OLFM3: variants seen among roughly 807,000 people sequenced by gnomAD.
The protein encoded by OLFM3 is olfactomedin 3, also known as noelin-3.
OLFM3 carries 20 observed loss-of-function variants against 48.6 expected under a neutral mutation model. The observed-to-expected ratio is 0.41, with a 90% CI of 0.29 to 0.60. OLFM3 has a LOEUF of 0.60. OLFM3 is among the 20% of genes least tolerant of loss of function. OLFM3 has a pLI of 0.28. For missense variants in OLFM3, 437 were observed against 544.3 expected, an observed-to-expected ratio of 0.80 and a Z score of 1.96; for synonymous variants, 222 against 198.1, an observed-to-expected ratio of 1.12 and a Z score of -1.01.
At chr1:101,841,537 C>T (rs1316210914) in intron 1 of OLFM3, among the ~76,000 whole-genome samples, 3 of 152,124 alleles carry the variant, frequency 2.0e-5, no homozygotes, top group African/African-American at 7.2e-5. Context: ...AGAAGAGATG[C>T]ACCCAGGCAG....
At chr1:101,966,643 C>T (rs901456331) in intron 1 of OLFM3, among the ~76,000 whole-genome samples, 7 of 151,984 alleles carry the variant, frequency 4.6e-5, no homozygotes, top group Non-Finnish European at 8.8e-5. Context: ...GGAAAATGTA[C>T]GAGATGACAG....
chr1:101,889,647 A>G (rs186875598), intron 1 of OLFM3, among the ~76,000 whole-genome samples: 9 of 152,236 alleles, frequency 5.9e-5, no homozygotes, highest in Non-Finnish European at 1.5e-5. Context: ...AACTTAAAGT[A>G]TAATAATAAA....
chr1:101,838,315 T>C (rs1030800178), intron 1 of OLFM3, among the ~76,000 whole-genome samples: 1 of 152,164 alleles, frequency 6.6e-6, no homozygotes, highest in Non-Finnish European at 1.5e-5. Flanking sequence ...CGCCTCGGCC[T>C]CCCAAAGTGC....
At chr1:101,881,881 C>T (rs1657540718) in intron 1 of OLFM3, among the ~76,000 whole-genome samples, 1 of 151,506 alleles carries the variant, frequency 6.6e-6, no homozygotes. Flanking sequence ...TACTAGACCT[C>T]AACCACAGTC....
chr1:101,920,602 T>A (rs1184319311), intron 1 of OLFM3, among the ~76,000 whole-genome samples: 1 of 152,220 alleles, frequency 6.6e-6, no homozygotes, highest in African/African-American at 2.4e-5. Context: ...TAGTACCTGA[T>A]TCCAAAGGAA....
intron 1 of OLFM3, among the ~76,000 whole-genome samples, chr1:101,970,114 C>T (rs1252143151): frequency 6.6e-6 from 1 of 151,876 alleles, no homozygotes; most frequent in Admixed American, 6.6e-5. Flanking sequence ...CTTCTGGGCT[C>T]AAGCAATTCT....
intron 1 of OLFM3, among the ~76,000 whole-genome samples, chr1:101,959,697 G>A (rs1020016725): frequency 6.6e-6 from 1 of 152,116 alleles, no homozygotes; most frequent in Non-Finnish European, 1.5e-5. Context: ...TCTCCAATGA[G>A]GCTAGATAGC....
intron 1 of OLFM3, among the ~76,000 whole-genome samples, chr1:101,838,252 T>C (rs930597371): frequency 6.6e-6 from 1 of 152,094 alleles, no homozygotes; most frequent in African/African-American, 2.4e-5. Context: ...AGAGATGGGG[T>C]TTCACTATGT....
At chr1:101,889,341 T>C (rs573905903) in intron 1 of OLFM3, among the ~76,000 whole-genome samples, 1 of 152,188 alleles carries the variant, frequency 6.6e-6, no homozygotes, top group African/African-American at 2.4e-5. Flanking sequence ...GATGAGTTCA[T>C]GTCCTTTGTA....
chr1:101,857,531 T>C (rs1411320950), intron 1 of OLFM3, among the ~76,000 whole-genome samples: 2 of 151,766 alleles, frequency 1.3e-5, no homozygotes, highest in Non-Finnish European at 2.9e-5. Flanking sequence ...TGTTAATATA[T>C]TTACCATACT....
chr1:101,948,680 C>T (rs1320983786), intron 1 of OLFM3, among the ~76,000 whole-genome samples: 2 of 151,950 alleles, frequency 1.3e-5, no homozygotes, highest in Admixed American at 1.3e-4. Context: ...CCTCCATTCC[C>T]TGTTGCATCA....
At chr1:101,813,003 T>A in intron 4 of OLFM3, 1 of 1,105,828 alleles carries the variant, frequency 9.0e-7, no homozygotes, top group Non-Finnish European at 1.1e-6. Flanking sequence ...TGTGAACTTA[T>A]TTTGTACCAG....
chr1:101,922,880 A>G (rs370129381), intron 1 of OLFM3, among the ~76,000 whole-genome samples: 34 of 152,348 alleles, frequency 2.2e-4, no homozygotes, highest in African/African-American at 7.7e-4. Flanking sequence ...TAACATATTT[A>G]GAGTTTATGA....
intron 1 of OLFM3, among the ~76,000 whole-genome samples, chr1:101,920,839 C>G (rs1659072752): frequency 6.6e-6 from 1 of 152,080 alleles, no homozygotes; most frequent in Admixed American, 6.5e-5. Context: ...CCAGGCAGGT[C>G]CTGCTTTTCG....
chr1:101,887,845 A>AT (rs1482984845), intron 1 of OLFM3, among the ~76,000 whole-genome samples: 1 of 152,040 alleles, frequency 6.6e-6, no homozygotes, highest in African/African-American at 2.4e-5. Flanking sequence ...AAGCATCAGT[A>AT]TATGTGGATA....
intron 1 of OLFM3, among the ~76,000 whole-genome samples, chr1:101,847,741 G>A (rs1025389439): frequency 1.3e-5 from 2 of 152,134 alleles, no homozygotes; most frequent in Admixed American, 6.5e-5. Flanking sequence ...GCTTTGCTTC[G>A]TAGGTGTTCA....
intron 1 of OLFM3, among the ~76,000 whole-genome samples, chr1:101,969,314 A>ATTT (rs36019509): frequency 0.013 from 1,798 of 141,378 alleles, 17 homozygotes; most frequent in African/African-American, 0.028. Flanking sequence ...ACGCCTGGCT[A>ATTT]TTTTTTTTTT....
intron 3 of OLFM3, among the ~76,000 whole-genome samples, chr1:101,825,538 T>C (rs574908536): frequency 2.9e-4 from 44 of 152,238 alleles, no homozygotes; most frequent in Non-Finnish European, 5.4e-4. Context: ...TAGGACTATA[T>C]ACTATTTCAT....
chr1:101,978,009 A>T (rs1422195482), intron 1 of OLFM3, among the ~76,000 whole-genome samples: 1 of 152,160 alleles, frequency 6.6e-6, no homozygotes, highest in East Asian at 1.9e-4. Context: ...TTAGTACATT[A>T]GTTACAAGGT....
Sources: gnomAD v4.1 joint callset for allele counts (sites outside exome capture counted in the v4.1 genomes callset) on GRCh38, gnomAD v4.1.1 for gene constraint, MANE v1.5 for transcripts, NCBI Gene and HGNC (gene_info 2026-07-23, HGNC 2026-07-21) for gene names.